Variants in PRH1 observed in about 807,000 individuals in gnomAD.
PRH1 encodes salivary acidic proline-rich phosphoprotein 1/2.
A neutral mutation model predicts 7.9 loss-of-function variants in PRH1; 7 were observed. The observed-to-expected ratio is 0.89, with a 90% CI of 0.50 to 1.67. PRH1 has a LOEUF of 1.67. Among genes scored for constraint, PRH1 ranks in the 40% most tolerant of loss-of-function variants. The pLI is 0.00. For missense variants in PRH1, 109 were observed against 223.6 expected (o/e 0.49, Z 3.27); for synonymous variants, 45 against 80.8 (o/e 0.56, Z 2.38).
downstream of PRH1, among the ~76,000 whole-genome samples, chr12:11,119,962 T>C (rs535039725): frequency 1.4e-4 from 21 of 152,358 alleles, no homozygotes; most frequent in African/African-American, 4.8e-4. Context: ...GAGTTTTGTA[T>C]GCCAATTCAA....
At chr12:11,100,180 A>G (rs955597717) in intron 1 of PRH1, among the ~76,000 whole-genome samples, 1 of 152,166 alleles carries the variant, frequency 6.6e-6, no homozygotes, top group Non-Finnish European at 1.5e-5. Flanking sequence ...CAAAACAAAA[A>G]TGGGAAATAC....
chr12:10,915,833 C>T (rs1421575405), intron 2 of PRH1, among the ~76,000 whole-genome samples: 2 of 152,176 alleles, frequency 1.3e-5, no homozygotes, highest in Non-Finnish European at 2.9e-5. Flanking sequence ...GCATCCCCAT[C>T]GCGTTCCCTC....
At chr12:10,994,002 C>T (rs1361928204) in intron 1 of PRH1, among the ~76,000 whole-genome samples, 1 of 152,146 alleles carries the variant, frequency 6.6e-6, no homozygotes, top group Non-Finnish European at 1.5e-5. Flanking sequence ...CCCTTCTAAG[C>T]GTGTGCGTCT....
chr12:10,969,639 GTTTT>G (rs912408643), intron 2 of PRH1, among the ~76,000 whole-genome samples: 1 of 151,086 alleles, frequency 6.6e-6, no homozygotes, highest in African/African-American at 2.4e-5. Flanking sequence ...TGGTTTTTCT[GTTTT>G]TTTGTTTTTT....
intron 1 of PRH1, among the ~76,000 whole-genome samples, chr12:11,100,219 C>G (rs1188202816): frequency 6.6e-6 from 1 of 151,966 alleles, no homozygotes; most frequent in Non-Finnish European, 1.5e-5. Context: ...GTCAACTAAC[C>G]CTTATAAAGG....
intron 1 of PRH1, among the ~76,000 whole-genome samples, chr12:11,008,572 C>T (rs529164774): frequency 8.3e-4 from 127 of 152,216 alleles, no homozygotes; most frequent in Admixed American, 1.6e-3. Flanking sequence ...ACAAGGTATG[C>T]AACCCTAAAC....
intron 2 of PRH1, among the ~76,000 whole-genome samples, chr12:10,968,350 C>G (rs7138343): frequency 0.23 from 35,023 of 150,336 alleles, 4,096 homozygotes; most frequent in Non-Finnish European, 0.25. Context: ...TAATGATATT[C>G]TTTATTTAAA....
intron 1 of PRH1, chr12:10,985,777 T>C (rs1939584209): frequency 9.8e-6 from 6 of 613,126 alleles, no homozygotes; most frequent in Non-Finnish European, 1.7e-5. Flanking sequence ...GATACACTTT[T>C]AGACTAACTT....
intron 1 of PRH1, among the ~76,000 whole-genome samples, chr12:11,101,278 A>G (rs1043742665): frequency 6.6e-6 from 1 of 152,210 alleles, no homozygotes; most frequent in African/African-American, 2.4e-5. Flanking sequence ...GCCTAAGCAC[A>G]GGAGTTCAAG....
intron 1 of PRH1, 38 bp downstream of exon 1, chr12:10,884,116 C>T: frequency 5.6e-6 from 9 of 1,613,488 alleles, no homozygotes; most frequent in Non-Finnish European, 7.6e-6. Flanking sequence ...CTGTAAACCC[C>T]AATCAGAGTC....
rs751016037 is a variant in PRH1 at position 11,091,115 on chromosome 12, C to CACATATATATATATATAT, written n.124-43928_124-43927insATATATATATATATATGT. 1.0e-3 allele frequency among the ~76,000 whole-genome samples: 26 copies of CACATATATATATATATAT among 25,124 alleles called. 1 individual carries two copies. Among genetic ancestry groups the CACATATATATATATATAT allele is most frequent in the East Asian group, 4.7e-3 (2 of 426 alleles). 16.5% of individuals were successfully genotyped at this position (25,124 alleles called of 152,430 possible). On this transcript the variant is annotated intron_variant and non_coding_transcript_variant, in intron 1 of 4. Transcript: ENST00000541977. ...ACACAAATACACACACACACACACA[C>CACATATATATATATATAT]ATATATATATATATATATATATATA...
intron 1 of PRH1, chr12:11,030,840 TC>T: frequency 1.9e-6 from 3 of 1,614,196 alleles, no homozygotes; most frequent in Non-Finnish European, 2.5e-6. Flanking sequence ...CTCAATTTGA[TC>T]TTCCAAGTCA....
chr12:11,099,710 C>G (rs1398034558), intron 1 of PRH1, among the ~76,000 whole-genome samples: 1 of 151,808 alleles, frequency 6.6e-6, no homozygotes, highest in Non-Finnish European at 1.5e-5. Flanking sequence ...AAACAGAAAA[C>G]ACACACACAC....
intron 1 of PRH1, among the ~76,000 whole-genome samples, chr12:11,072,632 T>C (rs1423723786): frequency 6.6e-6 from 1 of 152,222 alleles, no homozygotes; most frequent in Non-Finnish European, 1.5e-5. Flanking sequence ...TTAACCTAAA[T>C]GGCCTCTACC....
At chr12:11,143,726 G>T (rs1050924357) in intron 1 of PRH1, among the ~76,000 whole-genome samples, 2 of 152,108 alleles carry the variant, frequency 1.3e-5, no homozygotes, top group African/African-American at 4.8e-5. Context: ...CAAAAACTAT[G>T]AAGCGACAAA....
At chr12:10,926,919 T>C (rs950406716) in intron 2 of PRH1, among the ~76,000 whole-genome samples, 15 of 152,318 alleles carry the variant, frequency 9.8e-5, no homozygotes, top group Middle Eastern at 3.4e-3. Context: ...AATTGTGTTG[T>C]TGACGGCTGC....
At chr12:10,914,305 C>T (rs763684092) in intron 2 of PRH1, among the ~76,000 whole-genome samples, 10 of 152,098 alleles carry the variant, frequency 6.6e-5, no homozygotes, top group Non-Finnish European at 1.5e-4. Context: ...GAGGGAGATG[C>T]TCTAAAAGAA....
At chr12:11,022,038 A>C in intron 1 of PRH1, 1 of 1,613,812 alleles carries the variant, frequency 6.2e-7, no homozygotes, top group Non-Finnish European at 8.5e-7. Context: ...GAGTAGTTAC[A>C]GTCAAGCTTG....
In PRH1 at chr12:10,908,812, T is replaced by A. The variant is rs762206371; in HGVS notation, c.-58-24537A>T. On this transcript the variant is annotated intron_variant, in intron 2 of 3. Coordinates refer to the PRH1 transcript ENST00000539853. ...TCACTCATACTGAAATTCCAAGTTG[T>A]GTTTCTTTCATATCGGTCCAGCCAG... is the stretch of plus-strand genomic sequence containing the variant. The A allele has an allele frequency of 1.3e-5, 21 of 1,613,880 alleles. No individual in the cohort carries two copies. Among genetic ancestry groups the A allele is most frequent in the Non-Finnish European group, 1.6e-5 (19 of 1,179,978 alleles).
Sources: gnomAD v4.1 joint callset for allele counts (sites outside exome capture counted in the v4.1 genomes callset) on GRCh38, gnomAD v4.1.1 for gene constraint, MANE v1.5 for transcripts, NCBI Gene and HGNC (gene_info 2026-07-23, HGNC 2026-07-21) for gene names.